The following FARS2 variants were observed in gnomAD, a reference collection of about 807,000 sequenced individuals.
The protein encoded by FARS2 is phenylalanyl-tRNA synthetase 2, mitochondrial, also known as phenylalanine--tRNA ligase, mitochondrial.
In FARS2, 40 loss-of-function variants were observed where a neutral mutation model predicts 46.4. That is an observed-to-expected ratio of 0.86 (90% CI 0.67 to 1.12). The LOEUF (loss-of-function observed/expected upper bound fraction) is 1.12. Among genes scored for constraint, FARS2 ranks in the 50% most tolerant of loss-of-function variants. FARS2 has a pLI of 0.00. For synonymous variants in FARS2, 234 were observed against 214.9 expected, an observed-to-expected ratio of 1.09 and a Z score of -0.78; for missense variants, 513 against 567.9, an observed-to-expected ratio of 0.90 and a Z score of 0.98.
intron 3 of FARS2, among the ~76,000 whole-genome samples, chr6:5,426,908 G>C (rs1762887585): frequency 6.6e-6 from 1 of 152,186 alleles, no homozygotes; most frequent in Non-Finnish European, 1.5e-5. Flanking sequence ...TTACAGGCAT[G>C]AGCCACTGTG....
chr6:5,394,461 C>T (rs1378975707), intron 2 of FARS2, among the ~76,000 whole-genome samples: 1 of 152,148 alleles, frequency 6.6e-6, no homozygotes, highest in African/African-American at 2.4e-5. Flanking sequence ...TGACTACACT[C>T]CATGGTGTTC....
intron 5 of FARS2, among the ~76,000 whole-genome samples, chr6:5,591,222 T>C (rs886068707): frequency 3.9e-5 from 6 of 152,184 alleles, no homozygotes; most frequent in Non-Finnish European, 7.4e-5. Flanking sequence ...GAGAAAAGAA[T>C]ACCATACTTA....
At chr6:5,260,718 G>C (rs1383302660), upstream of FARS2, 1 of 1,551,442 alleles carries the variant, frequency 6.4e-7, no homozygotes, top group Non-Finnish European at 8.7e-7. Flanking sequence ...ACTTGTGCGC[G>C]ACTGGAGGCT....
At chr6:5,252,402 T>C in the FARS2 span, among the ~76,000 whole-genome samples, 7 of 152,218 alleles carry the variant, frequency 4.6e-5, no homozygotes, top group Non-Finnish European at 1.0e-4. Context: ...CTGGGGATTT[T>C]ACCTAGCATT....
chr6:5,516,516 A>G (rs1412414717), intron 4 of FARS2, among the ~76,000 whole-genome samples: 1 of 152,250 alleles, frequency 6.6e-6, no homozygotes, highest in Non-Finnish European at 1.5e-5. Flanking sequence ...ATAGGGACCT[A>G]GGAACCTGGG....
At chr6:5,351,904 G>T (rs913831272) in intron 1 of FARS2, among the ~76,000 whole-genome samples, 1 of 152,254 alleles carries the variant, frequency 6.6e-6, no homozygotes, top group African/African-American at 2.4e-5. Context: ...TTGTTCTGCC[G>T]TATTGTGTTA....
intron 1 of FARS2, among the ~76,000 whole-genome samples, chr6:5,320,907 A>G (rs1430539234): frequency 2.0e-5 from 3 of 152,218 alleles, no homozygotes; most frequent in African/African-American, 7.2e-5. Context: ...GTGGGGGCCA[A>G]GGTAACTCCC....
chr6:5,623,733 T>A (rs6911070), intron 6 of FARS2, among the ~76,000 whole-genome samples: 4,266 of 134,278 alleles, frequency 0.032, 229 homozygotes, highest in African/African-American at 0.13. Flanking sequence ...ATAAATAAAA[T>A]AAAGACTTTG....
At chr6:5,627,860 C>G (rs1280381512) in intron 6 of FARS2, among the ~76,000 whole-genome samples, 1 of 152,152 alleles carries the variant, frequency 6.6e-6, no homozygotes, top group African/African-American at 2.4e-5. Flanking sequence ...AGCTAGGTGA[C>G]CAGAACTCTT....
chr6:5,619,376 C>T lies in FARS2; in HGVS notation c.1217+6056C>T, dbSNP rs570556617. Among the ~76,000 whole-genome samples, 36 of 152,218 alleles carry T rather than the reference C, an allele frequency of 2.4e-4. No homozygotes were observed. The South Asian group carries it at 3.1e-3, about 13-fold the overall frequency. On this transcript the variant is annotated intron_variant, in intron 6 of 6. Transcript: ENST00000274680. ...GTTTGAAAGGGTGGATTCACTGATG[C>T]CCCTAACCCGATTCTGCTCATAGAC...
intron 6 of FARS2, among the ~76,000 whole-genome samples, chr6:5,616,489 CAG>C (rs1286286905): frequency 6.6e-6 from 1 of 152,106 alleles, no homozygotes; most frequent in East Asian, 1.9e-4. Flanking sequence ...AGAAGTGTTT[CAG>C]AGTTTGGATC....
At position 5,564,470 on chromosome 6, in the gene FARS2, T is replaced by C. The variant is rs774945671; in HGVS notation, c.1065+19130T>C. Among the ~76,000 whole-genome samples, 18 of 152,190 alleles carry C rather than the reference T, an allele frequency of 1.2e-4. 1 individual carries two copies. Among genetic ancestry groups the C allele is most frequent in the Non-Finnish European group, 2.2e-4 (15 of 68,034 alleles). On this transcript the variant is annotated intron_variant, in intron 5 of 6. Coordinates refer to ENST00000274680, the MANE Select transcript of FARS2 (RefSeq NM_006567.5). ...GAAGATCACCACTTGATTCACAGGA[T>C]CAAGCAGAGTTAGTCTAAAATGTAG...
At chr6:5,461,406 A>G (rs990358248) in intron 4 of FARS2, among the ~76,000 whole-genome samples, 2 of 152,100 alleles carry the variant, frequency 1.3e-5, no homozygotes, top group Admixed American at 1.3e-4. Context: ...ACATTTTTTT[A>G]ATAGCTTATT....
the FARS2 span, among the ~76,000 whole-genome samples, chr6:5,252,385 T>G: frequency 6.6e-6 from 1 of 152,206 alleles, no homozygotes; most frequent in South Asian, 2.1e-4. Flanking sequence ...ACCTATTTCG[T>G]TACTTACTGG....
intron 4 of FARS2, among the ~76,000 whole-genome samples, chr6:5,448,402 T>C (rs944038482): frequency 6.6e-6 from 1 of 152,214 alleles, no homozygotes; most frequent in Non-Finnish European, 1.5e-5. Flanking sequence ...CTTTAAGTTT[T>C]TTAATGCAAA....
At chr6:5,516,491 G>A (rs1768803250) in intron 4 of FARS2, among the ~76,000 whole-genome samples, 1 of 152,178 alleles carries the variant, frequency 6.6e-6, no homozygotes, top group Admixed American at 6.5e-5. Flanking sequence ...GAAGCGGAGT[G>A]CTGTAACGAA....
At chr6:5,419,499 G>A (rs61482800) in intron 3 of FARS2, among the ~76,000 whole-genome samples, 2,359 of 151,964 alleles carry the variant, frequency 0.016, 62 homozygotes, top group African/African-American at 0.053. Flanking sequence ...TGTTTTCTTC[G>A]TTCCTGTCCT....
At chr6:5,524,406 A>G (rs1319479798) in intron 4 of FARS2, among the ~76,000 whole-genome samples, 1 of 152,256 alleles carries the variant, frequency 6.6e-6, no homozygotes, top group Non-Finnish European at 1.5e-5. Context: ...CCTAAGCAGA[A>G]TAAAAGCTAC....
chr6:5,490,218 A>G (rs1298477106), intron 4 of FARS2, among the ~76,000 whole-genome samples: 1 of 152,198 alleles, frequency 6.6e-6, no homozygotes, highest in Non-Finnish European at 1.5e-5. Flanking sequence ...TGTTGCATGT[A>G]TTAATATTTT....
Sources: allele counts gnomAD v4.1 joint callset (sites outside exome capture counted in the v4.1 genomes callset), GRCh38; gene constraint gnomAD v4.1.1; transcripts MANE v1.5; gene names NCBI Gene and HGNC (gene_info 2026-07-23, HGNC 2026-07-21).